ASAH2B: variants seen among roughly 807,000 people sequenced by gnomAD.
ASAH2B encodes the protein putative inactive neutral ceramidase B.
ASAH2B carries 1 observed loss-of-function variant against 2.9 expected under a neutral mutation model. That is an observed-to-expected ratio of 0.34 (90% confidence interval 0.12 to 1.63). The LOEUF is 1.63. Ranked by LOEUF, ASAH2B falls within the 40% of genes most tolerant of loss-of-function variation. The pLI is 0.36. For synonymous variants in ASAH2B, 4 were observed against 13.3 expected (o/e 0.30, Z 1.52); for missense variants, 9 against 37.7 (o/e 0.24, Z 1.99).
chr10:50,740,649 C>CA (rs1481135394), intron 1 of ASAH2B, among the ~76,000 whole-genome samples: 28 of 152,270 alleles, frequency 1.8e-4, no homozygotes, highest in Non-Finnish European at 1.2e-4. Context: ...CATAGATAGA[C>CA]CAAACATTTA....
At chr10:50,742,804 A>G (rs1839850093) in intron 1 of ASAH2B, 111 bp from the exon 2 acceptor site, 1 of 1,055,322 alleles carries the variant, frequency 9.5e-7, no homozygotes. Context: ...AGATTGTGCC[A>G]GTTTTGAATA....
Position 50,758,772 on chromosome 10 carries a change from G to A in ASAH2B, c.*4032G>A, listed in dbSNP as rs1250967749. The A allele has an allele frequency of 6.6e-6, 1 of 152,010 alleles. No homozygotes were observed. Among genetic ancestry groups the A allele is most frequent in the Non-Finnish European group, 1.5e-5 (1 of 67,928 alleles). 9.4% of individuals were successfully genotyped at this position (152,010 alleles called of 1,614,324 possible). ...AGAATGAAACAATAATGAAGGCAAA[G>A]CTATTCCCTGCCAAAAGGAACTTAG... On this transcript the variant is annotated 3_prime_UTR_variant, in exon 6 of 6. Coordinates refer to ENST00000647317, the MANE Select transcript of ASAH2B (RefSeq NM_001321958.2).
chr10:50,748,728 C>G (rs1316502642), intron 3 of ASAH2B, among the ~76,000 whole-genome samples: 1 of 149,916 alleles, frequency 6.7e-6, no homozygotes, highest in Non-Finnish European at 1.5e-5. Context: ...ACTTAGACTG[C>G]CAGACTTGGC....
In ASAH2B at chr10:50,743,116, G is replaced by A. The variant is rs181791833; in HGVS notation, c.-4+106G>A. The A allele has an allele frequency of 8.6e-5, 102 of 1,181,306 alleles. 3 individuals are homozygous for A. In the South Asian group the frequency reaches 1.2e-3, roughly 14 times the overall value. The allele number at this position is 1,181,306 out of a possible 1,614,324, so 73.2% of individuals were successfully genotyped here. A position where few individuals can be genotyped will look rare whatever the true frequency, so the allele number is the denominator to read the frequency against. On this transcript the variant is annotated intron_variant, in intron 2 of 5. Transcript: ENST00000647317. ...GGAAGTGAAAGAGAACCTTAGCTTC[G>A]AGTGTTCAGTTTGACAACCTTTATA... is the stretch of plus-strand genomic sequence containing the variant.
At position 50,748,259 on chromosome 10, in the gene ASAH2B, A is replaced by G. The variant is rs533271559; in HGVS notation, c.145-1084A>G. ...CCTTTTAATTTCTGAAGAGTTGACA[A>G]TTATATCCCCTCTTTCTTTCTAATT... is the stretch of plus-strand genomic sequence containing the variant. On this transcript the variant is annotated intron_variant, in intron 3 of 5. Transcript: ENST00000647317. Among the ~76,000 whole-genome samples the G allele has an allele frequency of 1.2e-4, 10 of 84,142 alleles. 3 individuals are homozygous for G. In the Admixed American group the frequency reaches 1.3e-3, roughly 11 times the overall value. 55.2% of individuals were successfully genotyped at this position (84,142 alleles called of 152,430 possible). A position where few individuals can be genotyped will look rare whatever the true frequency, so the allele number is the denominator to read the frequency against.
Sources: gnomAD v4.1 joint callset for allele counts (sites outside exome capture counted in the v4.1 genomes callset) on GRCh38, gnomAD v4.1.1 for gene constraint, MANE v1.5 for transcripts, NCBI Gene and HGNC (gene_info 2026-07-23, HGNC 2026-07-21) for gene names.